Variants in NDRG3 observed in about 807,000 individuals in gnomAD.
NDRG3 encodes NDRG family member 3.
Under a neutral mutation model 57.2 loss-of-function variants are expected in NDRG3, and 23 were observed. The observed-to-expected ratio is 0.40, with a 90% CI of 0.29 to 0.57. The LOEUF (loss-of-function observed/expected upper bound fraction) is 0.57, where lower values mean the gene tolerates loss of function less well. NDRG3 is among the 20% of genes least tolerant of loss of function. The probability of loss-of-function intolerance (pLI) is 0.42; values close to 1 mark genes in which losing one functional copy is unlikely to be tolerated. For missense variants in NDRG3, 384 were observed against 457.3 expected (o/e 0.84, Z 1.46); for synonymous variants, 132 against 162.6 (o/e 0.81, Z 1.43).
At chr20:36,731,639 C>G (rs551635545) in intron 1 of NDRG3, among the ~76,000 whole-genome samples, 11 of 151,492 alleles carry the variant, frequency 7.3e-5, no homozygotes, top group Non-Finnish European at 1.2e-4. Flanking sequence ...AACCCTGTCT[C>G]TACTAAAAAA....
chr20:36,684,346 C>CA, intron 6 of NDRG3, 67 bp downstream of exon 6: 3 of 1,325,110 alleles, frequency 2.3e-6, no homozygotes, highest in Admixed American at 1.7e-5. Context: ...TCCTCTGAAA[C>CA]AGACACTAAA....
chr20:36,702,572 G>A (rs1983305423), intron 3 of NDRG3, among the ~76,000 whole-genome samples: 1 of 152,002 alleles, frequency 6.6e-6, no homozygotes, highest in South Asian at 2.1e-4. Context: ...CACCCAGGCT[G>A]CAGTGCAAAG....
chr20:36,684,390 G>GA (rs1322943601), intron 6 of NDRG3, 23 bp downstream of exon 6: 7 of 1,600,244 alleles, frequency 4.4e-6, no homozygotes, highest in Non-Finnish European at 6.0e-6. Flanking sequence ...AAAACTGCAT[G>GA]AAAGACTGCA....
At chr20:36,689,379 A>G (rs1194778847) in intron 3 of NDRG3, among the ~76,000 whole-genome samples, 1 of 152,202 alleles carries the variant, frequency 6.6e-6, no homozygotes, top group Non-Finnish European at 1.5e-5. Context: ...AAAGGAAATC[A>G]GCAAATTGGG....
At chr20:36,739,340 G>A (rs550340090) in intron 1 of NDRG3, among the ~76,000 whole-genome samples, 109 of 151,052 alleles carry the variant, frequency 7.2e-4, no homozygotes, top group East Asian at 1.4e-3. Context: ...CTAGCTACTC[G>A]GGAGCCTGAG....
intron 2 of NDRG3, among the ~76,000 whole-genome samples, chr20:36,721,087 C>T (rs1984564018): frequency 6.6e-6 from 1 of 151,882 alleles, no homozygotes; most frequent in Non-Finnish European, 1.5e-5. Context: ...CACCCTCATG[C>T]TTTCTGCTTA....
At chr20:36,658,592 G>A (rs528322382) in intron 13 of NDRG3, among the ~76,000 whole-genome samples, 44 of 152,324 alleles carry the variant, frequency 2.9e-4, no homozygotes, top group African/African-American at 1.0e-3. Flanking sequence ...AGGTCTTTCA[G>A]ACTGAAAATG....
chr20:36,711,067 T>A (rs1213644069), intron 2 of NDRG3, among the ~76,000 whole-genome samples: 4 of 146,714 alleles, frequency 2.7e-5, no homozygotes, highest in Non-Finnish European at 6.0e-5. Context: ...GATCACGAGG[T>A]CAAGAGATCA....
chr20:36,673,025 G>A (rs1043597415), intron 8 of NDRG3, among the ~76,000 whole-genome samples: 3 of 152,008 alleles, frequency 2.0e-5, no homozygotes, highest in African/African-American at 2.4e-5. Flanking sequence ...CACCACGCCA[G>A]GCTAATTTTT....
At chr20:36,740,031 T>A (rs148627324) in intron 1 of NDRG3, among the ~76,000 whole-genome samples, 1,758 of 152,114 alleles carry the variant, frequency 0.012, 16 homozygotes, top group Middle Eastern at 0.024. Context: ...AACCCCAGAC[T>A]GTAGACCATG....
At chr20:36,680,062 G>A (rs1459824332) in intron 8 of NDRG3, among the ~76,000 whole-genome samples, 1 of 151,468 alleles carries the variant, frequency 6.6e-6, no homozygotes. Context: ...GACCTCAGGT[G>A]ATCTTCCCGC....
chr20:36,668,977 T>C (rs1275933599), intron 9 of NDRG3, among the ~76,000 whole-genome samples: 1 of 152,012 alleles, frequency 6.6e-6, no homozygotes, highest in Non-Finnish European at 1.5e-5. Flanking sequence ...TCTCGAATTA[T>C]GGGCTCAAGT....
intron 9 of NDRG3, among the ~76,000 whole-genome samples, chr20:36,669,626 A>C (rs1033132188): frequency 2.0e-5 from 3 of 152,118 alleles, no homozygotes; most frequent in Non-Finnish European, 4.4e-5. Context: ...TGGCCTCCTA[A>C]AGTGCTGGGA....
intron 3 of NDRG3, chr20:36,700,536 C>G (rs1315178075): frequency 1.9e-6 from 1 of 524,552 alleles, no homozygotes; most frequent in Non-Finnish European, 3.9e-6. Flanking sequence ...GGCTAAGGAG[C>G]TGATTCAGTT....
chr20:36,718,391 G>T (rs929717617), intron 2 of NDRG3, among the ~76,000 whole-genome samples: 2 of 152,196 alleles, frequency 1.3e-5, no homozygotes, highest in Non-Finnish European at 2.9e-5. Flanking sequence ...AATGTGGGAA[G>T]TGGGTAGGAA....
chr20:36,668,302 A>C (rs878976096), intron 9 of NDRG3, among the ~76,000 whole-genome samples: 4 of 152,196 alleles, frequency 2.6e-5, no homozygotes, highest in Admixed American at 2.0e-4. Flanking sequence ...AGTCCTCTAG[A>C]TATTGTTCTA....
rs1298796809 is a variant in NDRG3 at position 36,652,013 on chromosome 20, C to G, written c.*1507G>C. 1 of 152,230 alleles carries G rather than the reference C, an allele frequency of 6.6e-6. No homozygotes were observed. The highest frequency in any genetic ancestry group is 1.5e-5 in the Non-Finnish European group (1 of 68,084). The allele number at this position is 152,230 out of a possible 1,614,324, so 9.4% of individuals were successfully genotyped here. On this transcript the variant is annotated 3_prime_UTR_variant, in exon 16 of 16. Coordinates refer to ENST00000349004, the MANE Select transcript of NDRG3 (RefSeq NM_032013.4). ...CAATACTCTCTGTCTGGCTGTGACT[C>G]CCTCACCTAACAGTAGACATGAGGC...
chr20:36,723,965 C>T (rs1395276616), intron 1 of NDRG3, among the ~76,000 whole-genome samples: 2 of 152,082 alleles, frequency 1.3e-5, no homozygotes, highest in Admixed American at 6.6e-5. Flanking sequence ...CCTCAGCCTC[C>T]CAAAGTGTTA....
rs563447830 is a variant in NDRG3, at chr20:36,657,139, T to C, written c.859-607A>G. On this transcript the variant is annotated intron_variant, in intron 13 of 15. Transcript: ENST00000349004. ...GAAGGACTTGTTAAAACTCAGATTC[T>C]TGGATTCCTATCCCAGAGATTCTGA... 3.3e-5 allele frequency among the ~76,000 whole-genome samples: 5 copies of C among 152,308 alleles called. No homozygotes were observed. The South Asian group carries it at 8.3e-4, about 25-fold the overall frequency.
Sources: gnomAD v4.1 joint callset for allele counts (sites outside exome capture counted in the v4.1 genomes callset) on GRCh38, gnomAD v4.1.1 for gene constraint, MANE v1.5 for transcripts, NCBI Gene and HGNC (gene_info 2026-07-23, HGNC 2026-07-21) for gene names.